Variants in CNOT6 observed in about 807,000 individuals in gnomAD.
CNOT6 encodes carbon catabolite repression 4 protein.
In CNOT6, 12 loss-of-function variants were observed where a neutral mutation model predicts 61.2. The ratio of observed to expected loss-of-function variants is 0.20; its 90% CI spans 0.13 to 0.32. CNOT6 has a LOEUF of 0.32. Ranked by LOEUF, CNOT6 falls within the 10% of genes least tolerant of loss-of-function variation. CNOT6 has a pLI of 1.00. For missense variants in CNOT6, 405 were observed against 663.9 expected, an observed-to-expected ratio of 0.61 and a Z score of 4.28; for synonymous variants, 225 against 240.6, an observed-to-expected ratio of 0.94 and a Z score of 0.60.
intron 2 of CNOT6, among the ~76,000 whole-genome samples, chr5:180,541,231 CT>C (rs1373825056): frequency 6.6e-6 from 1 of 151,688 alleles, no homozygotes; most frequent in Admixed American, 6.6e-5. Flanking sequence ...CTCCGCCTCC[CT>C]GGTTGAAGTG....
At position 180,576,748 on chromosome 5, in the gene CNOT6, A is replaced by C. The variant is rs1413067322; in HGVS notation, c.*2548A>C. 1 of 152,176 alleles carries C rather than the reference A, an allele frequency of 6.6e-6. No individual in the cohort carries two copies. Among genetic ancestry groups the C allele is most frequent in the Non-Finnish European group, 1.5e-5 (1 of 68,036 alleles). The allele number at this position is 152,176 out of a possible 1,614,324, so 9.4% of individuals were successfully genotyped here. A position where few individuals can be genotyped will look rare whatever the true frequency, so the allele number is the denominator to read the frequency against. On this transcript the variant is annotated 3_prime_UTR_variant, in exon 12 of 12. Coordinates refer to ENST00000261951, the MANE Select transcript of CNOT6 (RefSeq NM_001370472.1). Reference sequence around the variant, plus strand: ...TGTTAAGAAAGGTTTCATGTTTTAGATATTTTCCGTGTCCTAAATAATTTT... The same window carrying C: ...TGTTAAGAAAGGTTTCATGTTTTAGCTATTTTCCGTGTCCTAAATAATTTT...
chr5:180,538,424 G>A (rs180673612), intron 2 of CNOT6, among the ~76,000 whole-genome samples: 4 of 150,974 alleles, frequency 2.6e-5, no homozygotes, highest in Admixed American at 2.0e-4. Context: ...GGTGGCTCAC[G>A]CCTGTAATCC....
chr5:180,549,824 G>A (rs915233173), intron 2 of CNOT6, 107 bp from the exon 3 acceptor site: 34 of 803,362 alleles, frequency 4.2e-5, no homozygotes, highest in Non-Finnish European at 6.7e-5. Flanking sequence ...CAAGTTTTTG[G>A]ATAATAATTT....
intron 4 of CNOT6, among the ~76,000 whole-genome samples, chr5:180,558,337 G>A (rs1054540015): frequency 1.3e-5 from 2 of 152,068 alleles, no homozygotes; most frequent in Non-Finnish European, 2.9e-5. Context: ...GGAGAGTCTG[G>A]TGCAGGATCC....
intron 10 of CNOT6, among the ~76,000 whole-genome samples, chr5:180,570,116 G>C (rs1408716534): frequency 6.6e-6 from 1 of 152,152 alleles, no homozygotes; most frequent in African/African-American, 2.4e-5. Context: ...CCAGCACTTT[G>C]GGGGGCCCAG....
chr5:180,506,955 A>G (rs1413490455), intron 1 of CNOT6, among the ~76,000 whole-genome samples: 1 of 152,228 alleles, frequency 6.6e-6, no homozygotes, highest in African/African-American at 2.4e-5. Context: ...ATACTAAGGC[A>G]GGTTTAATGA....
chr5:180,513,766 G>A (rs1375296633), intron 1 of CNOT6, among the ~76,000 whole-genome samples: 1 of 150,618 alleles, frequency 6.6e-6, no homozygotes, highest in Non-Finnish European at 1.5e-5. Flanking sequence ...GCAGTGGCGC[G>A]ATCTCAGCTC....
At chr5:180,558,355 G>C (rs1326483504) in intron 4 of CNOT6, among the ~76,000 whole-genome samples, 1 of 152,108 alleles carries the variant, frequency 6.6e-6, no homozygotes, top group Non-Finnish European at 1.5e-5. Flanking sequence ...TCCATGCCAC[G>C]GGAGGAGGCC....
chr5:180,570,827 A>G (rs1347484225), intron 10 of CNOT6, among the ~76,000 whole-genome samples: 1 of 152,222 alleles, frequency 6.6e-6, no homozygotes, highest in Non-Finnish European at 1.5e-5. Flanking sequence ...ATTCAGTCCT[A>G]ATCTTGGGAT....
At chr5:180,569,055 A>C in intron 9 of CNOT6, 55 bp from the exon 10 acceptor site, 1 of 1,291,178 alleles carries the variant, frequency 7.7e-7, no homozygotes, top group Non-Finnish European at 1.1e-6. Context: ...GTAAGAATAT[A>C]TGGGCTGATG....
intron 1 of CNOT6, among the ~76,000 whole-genome samples, chr5:180,524,899 A>G (rs538004395): frequency 6.6e-6 from 1 of 152,364 alleles, no homozygotes; most frequent in Non-Finnish European, 1.5e-5. Flanking sequence ...TGGTCAGAAC[A>G]GTGGCATTTA....
intron 1 of CNOT6, among the ~76,000 whole-genome samples, chr5:180,513,954 G>A (rs1157998512): frequency 6.7e-6 from 1 of 148,450 alleles, no homozygotes; most frequent in Non-Finnish European, 1.5e-5. Context: ...TGCCCTCCTC[G>A]GCCTCCCAAA....
At chr5:180,537,812 T>TA (rs982082491) in intron 2 of CNOT6, among the ~76,000 whole-genome samples, 2 of 151,838 alleles carry the variant, frequency 1.3e-5, no homozygotes, top group African/African-American at 2.4e-5. Context: ...CTCTTTTTTT[T>TA]TTTTTTGGTG....
chr5:180,531,610 G>C (rs1758384218), intron 2 of CNOT6, among the ~76,000 whole-genome samples: 1 of 152,230 alleles, frequency 6.6e-6, no homozygotes, highest in Non-Finnish European at 1.5e-5. Context: ...TGCAATCTCA[G>C]CACTTTGGGA....
chr5:180,526,658 T>TA (rs139850709), intron 1 of CNOT6, among the ~76,000 whole-genome samples: 1 of 152,230 alleles, frequency 6.6e-6, no homozygotes, highest in East Asian at 1.9e-4. Flanking sequence ...ACTTTAAACT[T>TA]ACATGGTCAT....
intron 3 of CNOT6, among the ~76,000 whole-genome samples, chr5:180,552,681 C>G (rs1226391396): frequency 1.3e-5 from 2 of 151,820 alleles, no homozygotes; most frequent in Non-Finnish European, 2.9e-5. Context: ...AAACTGCATG[C>G]GTTACATTGC....
At chr5:180,546,226 G>C (rs1476200121) in intron 2 of CNOT6, among the ~76,000 whole-genome samples, 1 of 151,094 alleles carries the variant, frequency 6.6e-6, no homozygotes, top group Non-Finnish European at 1.5e-5. Context: ...TTATTTCTAT[G>C]GTTAAATTTA....
intron 2 of CNOT6, among the ~76,000 whole-genome samples, chr5:180,542,128 G>A (rs554427976): frequency 6.6e-6 from 1 of 152,120 alleles, no homozygotes; most frequent in East Asian, 1.9e-4. Flanking sequence ...AGAGTCTCTC[G>A]CCATTACTCT....
At chr5:180,547,534 A>G (rs1206279919) in intron 2 of CNOT6, among the ~76,000 whole-genome samples, 2 of 152,114 alleles carry the variant, frequency 1.3e-5, no homozygotes, top group African/African-American at 4.8e-5. Flanking sequence ...AAGAGAAAAG[A>G]AAAGAAAATT....
Sources: allele counts gnomAD v4.1 joint callset (sites outside exome capture counted in the v4.1 genomes callset), GRCh38; gene constraint gnomAD v4.1.1; transcripts MANE v1.5; gene names NCBI Gene and HGNC (gene_info 2026-07-23, HGNC 2026-07-21).